The following NNMT variants were observed in gnomAD, a reference collection of about 807,000 sequenced individuals.
The protein encoded by NNMT is nicotinamide N-methyltransferase.
NNMT carries 10 observed loss-of-function variants against 11.7 expected under a neutral mutation model. The observed-to-expected ratio is 0.85, with a 90% CI of 0.53 to 1.45. The LOEUF (loss-of-function observed/expected upper bound fraction) is 1.45. Among genes scored for constraint, NNMT ranks in the 40% most tolerant of loss-of-function variants. The pLI is 0.00. For synonymous variants in NNMT, 143 were observed against 133.8 expected (o/e 1.07, Z -0.48); for missense variants, 381 against 319.4 (o/e 1.19, Z -1.47).
chr11:114,259,958 T>C (rs985519291), intron 1 of NNMT, among the ~76,000 whole-genome samples: 10 of 152,178 alleles, frequency 6.6e-5, no homozygotes, highest in African/African-American at 2.2e-4. Flanking sequence ...CCCACCACCC[T>C]GACTGAATCT....
chr11:114,268,674 C>A (rs559759703), intron 2 of NNMT, among the ~76,000 whole-genome samples: 12 of 147,902 alleles, frequency 8.1e-5, no homozygotes, highest in African/African-American at 2.3e-4. Context: ...GAGGCTGAGG[C>A]AGGAGAATGG....
intron 2 of NNMT, among the ~76,000 whole-genome samples, chr11:114,270,959 C>T (rs914776041): frequency 6.6e-6 from 1 of 151,984 alleles, no homozygotes; most frequent in Non-Finnish European, 1.5e-5. Context: ...ATTTTTTTAG[C>T]AGAGACAGGG....
chr11:114,312,964 T>G lies in NNMT; in HGVS notation c.*487T>G, dbSNP rs1444965927. 3 of 154,246 alleles carry G rather than the reference T, an allele frequency of 1.9e-5. No individual in the cohort carries two copies. Among genetic ancestry groups the G allele is most frequent in the Non-Finnish European group, 2.9e-5 (2 of 69,430 alleles). The allele number at this position is 154,246 out of a possible 1,614,324, so 9.6% of individuals were successfully genotyped here. On this transcript the variant is annotated 3_prime_UTR_variant, in exon 3 of 3. Coordinates refer to ENST00000299964, the MANE Select transcript of NNMT (RefSeq NM_006169.3). ...ATGTGGGTATAGCTGTTTGCTAGACTCCACTCTGGCCTCAGGGGCCAGAGA... is the reference window on the plus strand; with the variant it reads ...ATGTGGGTATAGCTGTTTGCTAGACGCCACTCTGGCCTCAGGGGCCAGAGA...
rs376508000 is a variant in NNMT, at chr11:114,301,387, G to A, written c.362+3229G>A. 2.8e-4 allele frequency among the ~76,000 whole-genome samples: 43 copies of A among 152,218 alleles called. No individual in the cohort carries two copies. In the East Asian group the frequency reaches 4.8e-3, roughly 17 times the overall value. Reference sequence around the variant, plus strand: ...GCAACCAAGATGTCTTTCAGTAAGCGAATGAATAAATAAACTGTGGTACAT... The same window carrying A: ...GCAACCAAGATGTCTTTCAGTAAGCAAATGAATAAATAAACTGTGGTACAT... On this transcript the variant is annotated intron_variant, in intron 2 of 2. Coordinates refer to ENST00000299964, the MANE Select transcript of NNMT (RefSeq NM_006169.3).
At chr11:114,306,291 CTG>C (rs1945491537) in intron 2 of NNMT, among the ~76,000 whole-genome samples, 1 of 152,138 alleles carries the variant, frequency 6.6e-6, no homozygotes, top group Admixed American at 6.5e-5. Context: ...CTCTCCCATT[CTG>C]TAGGTTGCCT....
Position 114,312,052 on chromosome 11 carries a change from G to C in NNMT, c.370G>C (p.Gly124Arg). Residue 124 changes from glycine (G) to arginine (R), a missense_variant, in exon 3 of 3, where the codon GGT (glycine) becomes CGT (arginine). Gly to Arg is a moderately radical substitution (Grantham distance 125). Transcript: ENST00000299964. ...VCDLEGNRVK[G>R]PEKEEKLRQA... The stretch of plus-strand genomic sequence containing the variant: ...TGGGTTTGTGTTTTTCAGAGTCAAG[G>C]GTCCAGAGAAGGAGGAGAAGTTGAG... 6.4e-7 allele frequency: 1 copy of C among 1,563,160 alleles called. No homozygotes were observed. The highest frequency in any genetic ancestry group is 8.7e-7 in the Non-Finnish European group (1 of 1,150,478).
chr11:114,265,325 A>G (rs1945111569), intron 2 of NNMT, among the ~76,000 whole-genome samples: 1 of 152,060 alleles, frequency 6.6e-6, no homozygotes, highest in Admixed American at 6.5e-5. Flanking sequence ...TTTCTACATA[A>G]CTGACTTGCT....
chr11:114,299,714 G>A (rs191645831), intron 2 of NNMT, among the ~76,000 whole-genome samples: 162 of 151,720 alleles, frequency 1.1e-3, no homozygotes, highest in African/African-American at 3.2e-3. Context: ...TGGATTTTCC[G>A]TTTGTTCTTT....
intron 1 of NNMT, chr11:114,297,320 T>G (rs922822093): frequency 2.9e-4 from 42 of 143,334 alleles, no homozygotes; most frequent in Non-Finnish European, 5.6e-4. Context: ...AAATGAAAAG[T>G]TTTTTTTTTT....
At chr11:114,306,692 T>C (rs1945495234) in intron 2 of NNMT, among the ~76,000 whole-genome samples, 3 of 152,306 alleles carry the variant, frequency 2.0e-5, no homozygotes, top group Admixed American at 2.0e-4. Context: ...GGCTCTGTTC[T>C]GTTCCATTGT....
At chr11:114,267,899 T>C (rs1415612852) in intron 2 of NNMT, among the ~76,000 whole-genome samples, 2 of 152,248 alleles carry the variant, frequency 1.3e-5, no homozygotes, top group Non-Finnish European at 1.5e-5. Context: ...TCCTGATTGC[T>C]TCAAAAATAA....
intron 2 of NNMT, among the ~76,000 whole-genome samples, chr11:114,298,871 A>G (rs1268372430): frequency 6.6e-6 from 1 of 152,198 alleles, no homozygotes; most frequent in African/African-American, 2.4e-5. Flanking sequence ...AGAGGTAGCC[A>G]CGCCTGCAAT....
intron 2 of NNMT, among the ~76,000 whole-genome samples, chr11:114,276,798 C>T (rs1945216640): frequency 6.6e-6 from 1 of 152,212 alleles, no homozygotes; most frequent in African/African-American, 2.4e-5. Context: ...GCAGCCCTAC[C>T]CCATGAAATG....
In NNMT at chr11:114,301,386, C is replaced by T. The variant is rs143505472; in HGVS notation, c.362+3228C>T. On this transcript the variant is annotated intron_variant, in intron 2 of 2. Transcript: ENST00000299964. Reference sequence around the variant, plus strand: ...AGCAACCAAGATGTCTTTCAGTAAGCGAATGAATAAATAAACTGTGGTACA... The same window carrying T: ...AGCAACCAAGATGTCTTTCAGTAAGTGAATGAATAAATAAACTGTGGTACA... Among the ~76,000 whole-genome samples the T allele has an allele frequency of 7.9e-3, 1,208 of 151,960 alleles. 20 individuals carry two copies. Among genetic ancestry groups the T allele is most frequent in the African/African-American group, 0.027 (1,137 of 41,426 alleles).
chr11:114,289,203 C>A (rs911052495), intron 2 of NNMT, among the ~76,000 whole-genome samples: 2 of 152,108 alleles, frequency 1.3e-5, no homozygotes, highest in African/African-American at 4.8e-5. Flanking sequence ...TTGTTATTAT[C>A]TTTTAAATGT....
chr11:114,273,724 C>T (rs575759270), intron 2 of NNMT, among the ~76,000 whole-genome samples: 16 of 152,220 alleles, frequency 1.1e-4, no homozygotes, highest in Admixed American at 3.9e-4. Flanking sequence ...CCTGTAATCC[C>T]AGCTACTCGG....
chr11:114,294,232 C>T (rs1945354580), upstream of NNMT, among the ~76,000 whole-genome samples: 1 of 152,006 alleles, frequency 6.6e-6, no homozygotes, highest in African/African-American at 2.4e-5. Flanking sequence ...CCTGTAATCC[C>T]AGCACTTTGG....
At chr11:114,299,012 C>T (rs1945412071) in intron 2 of NNMT, among the ~76,000 whole-genome samples, 1 of 152,130 alleles carries the variant, frequency 6.6e-6, no homozygotes, top group Non-Finnish European at 1.5e-5. Flanking sequence ...TGCTGAGACC[C>T]CACAGACTTC....
Position 114,312,249 on chromosome 11 carries a change from AG to A in NNMT, c.572del (p.Gly191AlafsTer4). ...LRNLGSLLKP[G>X]GFLVIMDALK... is the part of the protein sequence containing the mutation. Reference sequence around the variant, plus strand: ...GGAACCTCGGCAGCCTACTGAAGCCAGGGGGCTTCCTGGTGATCATGGATGC... The same window carrying A: ...GGAACCTCGGCAGCCTACTGAAGCCAGGGGCTTCCTGGTGATCATGGATGC... On this transcript the variant is annotated frameshift_variant, in exon 3 of 3. Coordinates refer to ENST00000299964, the MANE Select transcript of NNMT (RefSeq NM_006169.3). LOFTEE classifies it low-confidence loss of function (END_TRUNC). The A allele has an allele frequency of 6.2e-7, 1 of 1,614,192 alleles. No homozygotes were observed.
Sources: gnomAD v4.1 joint callset for allele counts (sites outside exome capture counted in the v4.1 genomes callset) on GRCh38, gnomAD v4.1.1 for gene constraint, MANE v1.5 for transcripts, NCBI Gene and HGNC (gene_info 2026-07-23, HGNC 2026-07-21) for gene names.